TAFA2: variants seen among roughly 807,000 people sequenced by gnomAD.
The protein encoded by TAFA2 is chemokine-like protein TAFA-2.
A neutral mutation model predicts 18.8 loss-of-function variants in TAFA2; 7 were observed. That is an observed-to-expected ratio of 0.37 (90% confidence interval 0.21 to 0.70). The LOEUF (loss-of-function observed/expected upper bound fraction) is 0.70. TAFA2 is among the 30% of genes least tolerant of loss of function. The pLI, the probability that TAFA2 is intolerant of heterozygous loss-of-function variation, is 0.53. For synonymous variants in TAFA2, 60 were observed against 54.2 expected (o/e 1.11, Z -0.47); for missense variants, 122 against 158.1 (o/e 0.77, Z 1.23).
intron 1 of TAFA2, among the ~76,000 whole-genome samples, chr12:61,937,668 A>C (rs1484469861): frequency 6.6e-6 from 1 of 152,204 alleles, no homozygotes; most frequent in Non-Finnish European, 1.5e-5. Context: ...AGATGGAGCA[A>C]AGACTTAAAT....
At chr12:61,762,633 T>TTATATATA (rs55985443) in intron 2 of TAFA2, among the ~76,000 whole-genome samples, 3 of 147,582 alleles carry the variant, frequency 2.0e-5, no homozygotes, top group Non-Finnish European at 4.5e-5. Flanking sequence ...ATTTCATTTT[T>TTATATATA]TATATATATA....
At chr12:61,732,957 T>C (rs1008252256) in intron 4 of TAFA2, among the ~76,000 whole-genome samples, 1 of 152,052 alleles carries the variant, frequency 6.6e-6, no homozygotes, top group Admixed American at 6.6e-5. Context: ...CCATCTCTTA[T>C]ACACTCAATC....
intron 3 of TAFA2, 77 bp from the exon 4 acceptor site, chr12:61,753,823 A>G (rs906907414): frequency 7.0e-5 from 93 of 1,332,174 alleles, no homozygotes; most frequent in Non-Finnish European, 9.2e-5. Flanking sequence ...AAAGAGGAAC[A>G]AAAGCCACTA....
intron 1 of TAFA2, among the ~76,000 whole-genome samples, chr12:62,066,861 C>T (rs1882503400): frequency 6.6e-6 from 1 of 152,014 alleles, no homozygotes; most frequent in Admixed American, 6.6e-5. Context: ...TATGTTAGCT[C>T]TATTTTCAGT....
chr12:61,957,122 A>T (rs1878722033), intron 1 of TAFA2, among the ~76,000 whole-genome samples: 1 of 152,178 alleles, frequency 6.6e-6, no homozygotes, highest in South Asian at 2.1e-4. Context: ...ACAAGGATTT[A>T]TGCCCTGTGC....
chr12:61,714,496 T>C (rs569313791), intron 4 of TAFA2, among the ~76,000 whole-genome samples: 1 of 152,326 alleles, frequency 6.6e-6, no homozygotes, highest in Admixed American at 6.5e-5. Flanking sequence ...GGCACCCACT[T>C]ATCACAGGCC....
At chr12:62,187,485 A>G (rs1449529591) in intron 1 of TAFA2, among the ~76,000 whole-genome samples, 3 of 152,188 alleles carry the variant, frequency 2.0e-5, no homozygotes, top group Non-Finnish European at 4.4e-5. Flanking sequence ...GTGTCATTTA[A>G]AGCATATGTA....
rs998759464 is a variant in TAFA2, at chr12:62,083,354, T to C, written c.-2+107905A>G. On this transcript the variant is annotated intron_variant, in intron 1 of 4. Coordinates refer to ENST00000416284, the MANE Select transcript of TAFA2 (RefSeq NM_178539.5). ...ATACCTCCCTGCTATTACAAGAGTG[T>C]CTTCTCAGAAGAGAGTAAAGGAGTT... Among the ~76,000 whole-genome samples, 3 of 152,012 alleles carry C rather than the reference T, an allele frequency of 2.0e-5. No individual in the cohort carries two copies. The South Asian group carries it at 6.2e-4, about 32-fold the overall frequency.
At chr12:61,870,326 G>A (rs892974853) in intron 1 of TAFA2, among the ~76,000 whole-genome samples, 2 of 152,138 alleles carry the variant, frequency 1.3e-5, no homozygotes, top group African/African-American at 4.8e-5. Flanking sequence ...ATCCTAACTG[G>A]ACATCTGCCA....
chr12:62,007,977 C>T (rs866830252), intron 1 of TAFA2, among the ~76,000 whole-genome samples: 10 of 152,114 alleles, frequency 6.6e-5, no homozygotes, highest in African/African-American at 2.2e-4. Context: ...CAACATTTCC[C>T]CATTCCTCTA....
chr12:62,154,824 T>C (rs551827373), intron 1 of TAFA2, among the ~76,000 whole-genome samples: 114 of 152,246 alleles, frequency 7.5e-4, no homozygotes, highest in African/African-American at 2.5e-3. Flanking sequence ...TTTTCCTGTA[T>C]ATTTTAGACA....
intron 1 of TAFA2, among the ~76,000 whole-genome samples, chr12:62,057,534 T>G (rs1219283993): frequency 1.3e-5 from 2 of 152,154 alleles, no homozygotes; most frequent in Non-Finnish European, 2.9e-5. Context: ...TTGGTTTTTC[T>G]TATTTTTTGC....
intron 1 of TAFA2, among the ~76,000 whole-genome samples, chr12:61,930,159 AAAAT>A (rs898569266): frequency 6.6e-6 from 1 of 152,136 alleles, no homozygotes; most frequent in Non-Finnish European, 1.5e-5. Flanking sequence ...TAATAATAAA[AAAAT>A]AAATAAATAA....
chr12:62,224,550 C>T (rs1185110691), intron 1 of TAFA2, among the ~76,000 whole-genome samples: 3 of 152,038 alleles, frequency 2.0e-5, no homozygotes, highest in Non-Finnish European at 4.4e-5. Context: ...GTAATTATAC[C>T]TCCCAAATGC....
chr12:62,203,155 T>G (rs73133464), intron 1 of TAFA2, among the ~76,000 whole-genome samples: 3 of 152,156 alleles, frequency 2.0e-5, no homozygotes, highest in Non-Finnish European at 4.4e-5. Flanking sequence ...TCTGAGGGGG[T>G]TTCTTAAGTC....
At chr12:62,033,444 G>C (rs1360560231) in intron 1 of TAFA2, among the ~76,000 whole-genome samples, 2 of 152,052 alleles carry the variant, frequency 1.3e-5, no homozygotes, top group East Asian at 1.9e-4. Flanking sequence ...TCCTACATTT[G>C]ATCAGATCCC....
chr12:62,211,362 G>A (rs1371872331), intron 1 of TAFA2, among the ~76,000 whole-genome samples: 1 of 152,078 alleles, frequency 6.6e-6, no homozygotes, highest in Non-Finnish European at 1.5e-5. Flanking sequence ...GGTGGATCAA[G>A]GAGGTCAGGA....
intron 2 of TAFA2, among the ~76,000 whole-genome samples, chr12:61,833,214 C>A (rs368653120): frequency 1.3e-5 from 2 of 151,350 alleles, no homozygotes. Context: ...TGTCATGAAC[C>A]AGAACCATGA....
At chr12:61,726,013 CT>C (rs1289464539) in intron 4 of TAFA2, among the ~76,000 whole-genome samples, 1 of 120,760 alleles carries the variant, frequency 8.3e-6, no homozygotes, top group Non-Finnish European at 1.9e-5. Context: ...AGAAGAGTTT[CT>C]TTTTTCTTTT....
Sources: allele counts gnomAD v4.1 joint callset (sites outside exome capture counted in the v4.1 genomes callset), GRCh38; gene constraint gnomAD v4.1.1; transcripts MANE v1.5; gene names NCBI Gene and HGNC (gene_info 2026-07-23, HGNC 2026-07-21).